ELP3: variants seen among roughly 807,000 people sequenced by gnomAD.
ELP3 encodes elongator acetyltransferase complex subunit 3.
Under a neutral mutation model 74.9 loss-of-function variants are expected in ELP3, and 56 were observed. That is an observed-to-expected ratio of 0.75 (90% CI 0.60 to 0.93). ELP3 has a LOEUF of 0.93. Ranked by LOEUF, ELP3 falls within the 40% of genes least tolerant of loss-of-function variation. The pLI is 0.00. For missense variants in ELP3, 573 were observed against 686.5 expected, an observed-to-expected ratio of 0.83 and a Z score of 1.85; for synonymous variants, 222 against 239.8, an observed-to-expected ratio of 0.93 and a Z score of 0.68.
chr8:28,096,059 T>G (rs1811241687), intron 1 of ELP3, among the ~76,000 whole-genome samples: 1 of 152,168 alleles, frequency 6.6e-6, no homozygotes, highest in Non-Finnish European at 1.5e-5. Context: ...AGCAGTGGCA[T>G]TAGATTCTCA....
intron 14 of ELP3, among the ~76,000 whole-genome samples, chr8:28,187,863 G>A (rs1208818705): frequency 6.6e-6 from 1 of 152,124 alleles, no homozygotes; most frequent in African/African-American, 2.4e-5. Context: ...ACGAATCTGA[G>A]GCTCAAGGAG....
At position 28,190,002 on chromosome 8, in the gene ELP3, G is replaced by C; in HGVS notation, c.*277G>C. On this transcript the variant is annotated 3_prime_UTR_variant, in exon 15 of 15. Transcript: ENST00000256398. ...TTCTACATTTTGCATGAGGCCTGCA[G>C]GTGGCCTATTTTGACTCAGACGGTG... is the stretch of plus-strand genomic sequence containing the variant. The C allele has an allele frequency of 3.0e-6, 1 of 332,518 alleles. No homozygotes were observed. Among genetic ancestry groups the C allele is most frequent in the Non-Finnish European group, 5.5e-6 (1 of 180,536 alleles). The allele number at this position is 332,518 out of a possible 1,614,324, so 20.6% of individuals were successfully genotyped here.
chr8:28,104,342 A>C (rs1811603353), intron 3 of ELP3, among the ~76,000 whole-genome samples: 1 of 152,178 alleles, frequency 6.6e-6, no homozygotes, highest in African/African-American at 2.4e-5. Flanking sequence ...AAATATAGAC[A>C]ATTAGGTCCA....
chr8:28,158,911 A>G (rs574828128), intron 12 of ELP3, among the ~76,000 whole-genome samples: 2 of 152,368 alleles, frequency 1.3e-5, no homozygotes, highest in South Asian at 2.1e-4. Flanking sequence ...GAGCTATCCA[A>G]TATCCAATAT....
At chr8:28,099,464 C>T (rs1222903183) in intron 2 of ELP3, among the ~76,000 whole-genome samples, 1 of 152,162 alleles carries the variant, frequency 6.6e-6, no homozygotes, top group African/African-American at 2.4e-5. Context: ...CCACCTGCCA[C>T]AGCAAAGAAC....
intron 10 of ELP3, among the ~76,000 whole-genome samples, chr8:28,150,345 T>G (rs1037259894): frequency 6.6e-6 from 1 of 152,212 alleles, no homozygotes; most frequent in African/African-American, 2.4e-5. Flanking sequence ...CCATATCATT[T>G]TCCTTCTCTC....
In ELP3 at chr8:28,159,747, C is replaced by T. The variant is rs114692178; in HGVS notation, c.1258-482C>T. On this transcript the variant is annotated intron_variant, in intron 12 of 14. Coordinates refer to ENST00000256398, the MANE Select transcript of ELP3 (RefSeq NM_018091.6). ...GGGAGGCCACACTTCCTTGAAATTT[C>T]GTCAAGGTGCAGGTGACCAGCATCA... 4.0e-3 allele frequency among the ~76,000 whole-genome samples: 616 copies of T among 152,302 alleles called. 3 individuals carry two copies. Among genetic ancestry groups the T allele is most frequent in the African/African-American group, 0.014 (569 of 41,570 alleles).
chr8:28,137,916 A>C, intron 10 of ELP3, 25 bp downstream of exon 10: 1 of 1,541,600 alleles, frequency 6.5e-7, no homozygotes, highest in Non-Finnish European at 8.7e-7. Context: ...TTTATTCCTA[A>C]AATAGTTGGT....
At chr8:28,114,299 C>G (rs1440572002) in intron 7 of ELP3, among the ~76,000 whole-genome samples, 2 of 152,102 alleles carry the variant, frequency 1.3e-5, no homozygotes, top group Admixed American at 6.5e-5. Context: ...AGGAAGCCAG[C>G]ATGGTTAGAT....
chr8:28,165,644 A>G (rs914367436), intron 14 of ELP3, among the ~76,000 whole-genome samples: 1 of 152,210 alleles, frequency 6.6e-6, no homozygotes, highest in Non-Finnish European at 1.5e-5. Flanking sequence ...GCATTTAGGT[A>G]GAATTTTTTA....
At chr8:28,095,497 C>T (rs1233808651) in intron 1 of ELP3, among the ~76,000 whole-genome samples, 1 of 152,160 alleles carries the variant, frequency 6.6e-6, no homozygotes, top group African/African-American at 2.4e-5. Context: ...GTTGCATGGC[C>T]CCTGAGGCAC....
intron 1 of ELP3, among the ~76,000 whole-genome samples, chr8:28,094,595 T>A (rs1254019244): frequency 6.6e-6 from 1 of 151,894 alleles, no homozygotes; most frequent in African/African-American, 2.4e-5. Flanking sequence ...GGCAGGTGCC[T>A]GTAATCTAAT....
At chr8:28,106,848 C>A (rs2130377505) in intron 4 of ELP3, 65 bp downstream of exon 4, 1 of 1,235,656 alleles carries the variant, frequency 8.1e-7, no homozygotes, top group Non-Finnish European at 1.2e-6. Context: ...CCCCCTCTAG[C>A]CCTTAGTCAG....
chr8:28,166,621 C>T (rs1306522833), intron 14 of ELP3, among the ~76,000 whole-genome samples: 2 of 152,176 alleles, frequency 1.3e-5, no homozygotes. Flanking sequence ...TTTTCTGTCT[C>T]CTCTCTTATA....
At chr8:28,163,747 A>G (rs139935265) in intron 14 of ELP3, among the ~76,000 whole-genome samples, 15 of 152,316 alleles carry the variant, frequency 9.8e-5, no homozygotes, top group Middle Eastern at 3.4e-3. Context: ...TGTAGAGTTG[A>G]TAACACCTGA....
At chr8:28,090,586 T>G (rs1358896322), upstream of ELP3, among the ~76,000 whole-genome samples, 2 of 152,128 alleles carry the variant, frequency 1.3e-5, no homozygotes, top group African/African-American at 4.8e-5. Flanking sequence ...GCCATTTACA[T>G]GGGATAAAGG....
Position 28,156,091 on chromosome 8 carries a change from C to G in ELP3, c.1191+59C>G, listed in dbSNP as rs369478768. On this transcript the variant is annotated intron_variant, in intron 11 of 14. Transcript: ENST00000256398. ...TTGAGAAAAAGAGAAATCTGAAACA[C>G]GAAAGACTTTGCCACTACCACCCCT... 3.8e-5 allele frequency: 55 copies of G among 1,447,236 alleles called. No individual in the cohort carries two copies. In the African/African-American group the frequency reaches 5.4e-4, roughly 14 times the overall value. 89.6% of individuals were successfully genotyped at this position (1,447,236 alleles called of 1,614,324 possible). A position where few individuals can be genotyped will look rare whatever the true frequency, so the allele number is the denominator to read the frequency against.
chr8:28,105,244 G>C (rs1314001364), intron 3 of ELP3, among the ~76,000 whole-genome samples: 1 of 152,040 alleles, frequency 6.6e-6, no homozygotes, highest in Non-Finnish European at 1.5e-5. Context: ...CAAAAAATTA[G>C]CCAGGCATGG....
intron 14 of ELP3, among the ~76,000 whole-genome samples, chr8:28,175,491 A>G (rs921458909): frequency 1.1e-4 from 17 of 152,122 alleles, no homozygotes; most frequent in Non-Finnish European, 1.5e-5. Context: ...ATTCCTGTCT[A>G]TTGACATTCC....
Sources: allele counts gnomAD v4.1 joint callset (sites outside exome capture counted in the v4.1 genomes callset), GRCh38; gene constraint gnomAD v4.1.1; transcripts MANE v1.5; gene names NCBI Gene and HGNC (gene_info 2026-07-23, HGNC 2026-07-21).